Variants in PRPF6 observed in about 807,000 individuals in gnomAD.
The protein encoded by PRPF6 is pre-mRNA-processing factor 6.
Under a neutral mutation model 118.3 loss-of-function variants are expected in PRPF6, and 42 were observed. The observed-to-expected ratio is 0.35, with a 90% CI of 0.28 to 0.46. The LOEUF is 0.46. PRPF6 is among the 20% of genes least tolerant of loss of function. The pLI is 1.00. For missense variants in PRPF6, 662 were observed against 1,255.7 expected (o/e 0.53, Z 7.15); for synonymous variants, 481 against 485.1 (o/e 0.99, Z 0.11).
chr20:64,006,198 C>T (rs1005596466), intron 9 of PRPF6, among the ~76,000 whole-genome samples: 4 of 152,050 alleles, frequency 2.6e-5, no homozygotes, highest in African/African-American at 4.8e-5. Context: ...AACTCAGTCT[C>T]GCTTTGGGAG....
At chr20:64,020,881 G>C (rs920845703) in intron 12 of PRPF6, among the ~76,000 whole-genome samples, 13 of 151,768 alleles carry the variant, frequency 8.6e-5, no homozygotes, top group African/African-American at 3.1e-4. Context: ...CCGCCTCCTG[G>C]GTTCAAGCAA....
chr20:64,026,062 C>A lies in PRPF6; in HGVS notation c.2028+4C>A. The A allele has an allele frequency of 1.2e-6, 2 of 1,603,142 alleles. No individual in the cohort carries two copies. Among genetic ancestry groups the A allele is most frequent in the Non-Finnish European group, 8.5e-7 (1 of 1,179,616 alleles). On this transcript the variant is annotated splice_donor_region_variant and intron_variant, in intron 15 of 20. Coordinates refer to ENST00000266079, the MANE Select transcript of PRPF6 (RefSeq NM_012469.4). This position sits in a 1 kb window ranked among gnomAD's most constrained non-coding sequence, Gnocchi z 4.4. ...GAGCAGTGCCCCCACCGCCCGGGTA[C>A]GCAGTGGCAGGCAGGGCTGGGCCGT... is the stretch of plus-strand genomic sequence containing the variant.
chr20:63,998,711 G>A (rs1189510609), intron 6 of PRPF6, among the ~76,000 whole-genome samples: 1 of 150,496 alleles, frequency 6.6e-6, no homozygotes, highest in Non-Finnish European at 1.5e-5. Flanking sequence ...GTGTGGTGGC[G>A]GGCGCCTGTA....
At chr20:64,023,451 C>T (rs2059274984) in intron 13 of PRPF6, among the ~76,000 whole-genome samples, 1 of 152,198 alleles carries the variant, frequency 6.6e-6, no homozygotes, top group Admixed American at 6.5e-5. Flanking sequence ...GCTCGTGTCC[C>T]CACGCACCCT....
rs1186351342 is a variant in PRPF6, at chr20:64,033,026, C to T, written c.*33C>T. 3.1e-6 allele frequency: 5 copies of T among 1,612,322 alleles called. No individual in the cohort carries two copies. The highest frequency in any genetic ancestry group is 4.2e-6 in the Non-Finnish European group (5 of 1,179,856). On this transcript the variant is annotated 3_prime_UTR_variant, in exon 21 of 21. Coordinates refer to ENST00000266079, the MANE Select transcript of PRPF6 (RefSeq NM_012469.4). The stretch of plus-strand genomic sequence containing the variant: ...GTTGCCATGGCCGGTCTCCGTGGGG[C>T]AGGGTTGGGCCGCATGTGGAAGGGC...
At position 63,987,436 on chromosome 20, in the gene PRPF6, C is replaced by G. The variant is rs191332786; in HGVS notation, c.359+2411C>G. ...GTTACAGTGAGCTGAGATTGTGCCACTGCACTCCAGCCTGGGCAACACAAT... is the reference window on the plus strand; with the variant it reads ...GTTACAGTGAGCTGAGATTGTGCCAGTGCACTCCAGCCTGGGCAACACAAT... On this transcript the variant is annotated intron_variant, in intron 3 of 20. Coordinates refer to ENST00000266079, the MANE Select transcript of PRPF6 (RefSeq NM_012469.4). Among the ~76,000 whole-genome samples, 5 of 151,932 alleles carry G rather than the reference C, an allele frequency of 3.3e-5. No homozygotes were observed. In the East Asian group the frequency reaches 9.7e-4, roughly 29 times the overall value.
chr20:64,028,436 T>A lies in PRPF6; in HGVS notation c.2340-42T>A. ...CCAGAAGCTACCAGAATATGTGCTG[T>A]TGGTAGACGGCTGTGGGACCTCCGG... On this transcript the variant is annotated intron_variant, in intron 17 of 20. Transcript: ENST00000266079. The surrounding 1 kb of genome is among the most constrained non-coding windows in gnomAD (Gnocchi z 6.5). The A allele has an allele frequency of 1.2e-6, 2 of 1,600,070 alleles. No individual in the cohort carries two copies. The highest frequency in any genetic ancestry group is 1.7e-6 in the Non-Finnish European group (2 of 1,167,836).
chr20:64,023,418 T>C (rs2059274849), intron 13 of PRPF6, among the ~76,000 whole-genome samples: 1 of 152,240 alleles, frequency 6.6e-6, no homozygotes, highest in Non-Finnish European at 1.5e-5. Context: ...TTGTTTTAAA[T>C]GGATAGCTCT....
intron 3 of PRPF6, among the ~76,000 whole-genome samples, chr20:63,991,927 A>G (rs2059120479): frequency 6.6e-6 from 1 of 152,178 alleles, no homozygotes; most frequent in South Asian, 2.1e-4. Context: ...TACATGGGTT[A>G]TGTTCTGGCA....
At position 63,994,907 on chromosome 20, in the gene PRPF6, TA is replaced by T. The variant is rs1260744824; in HGVS notation, c.439-8del. ...AGAATTAATGTTTTTGGGGGCTGGA[TA>T]TTTCCAGAGGAAGTTGGCAGAAGTC... On this transcript the variant is annotated splice_polypyrimidine_tract_variant and splice_region_variant and intron_variant, in intron 4 of 20. Transcript: ENST00000266079. 1.9e-6 allele frequency: 3 copies of T among 1,614,190 alleles called. No homozygotes were observed. Among genetic ancestry groups the T allele is most frequent in the African/African-American group, 2.7e-5 (2 of 75,044 alleles).
chr20:64,021,406 CTG>C (rs531169374), intron 12 of PRPF6, among the ~76,000 whole-genome samples: 83 of 143,522 alleles, frequency 5.8e-4, no homozygotes, highest in South Asian at 2.7e-3. Context: ...AGCCCTGTGT[CTG>C]TGTGTGCGTG....
Position 64,002,845 on chromosome 20 carries a change from T to C in PRPF6, c.1186+1606T>C, listed in dbSNP as rs7346195. Among the ~76,000 whole-genome samples, 886 of 151,798 alleles carry C rather than the reference T, an allele frequency of 5.8e-3. 13 individuals are homozygous for C. Among genetic ancestry groups the C allele is most frequent in the African/African-American group, 0.02 (839 of 41,374 alleles). On this transcript the variant is annotated intron_variant, in intron 9 of 20. Transcript: ENST00000266079. The stretch of plus-strand genomic sequence containing the variant: ...TTTTAGTAGAGACGGGGTTTCACTG[T>C]GTTGACCAGGCTGGTCTTGAACTTC...
chr20:64,024,423 C>T (rs1009696379), intron 13 of PRPF6, 132 bp from the exon 14 acceptor site: 1 of 1,198,894 alleles, frequency 8.3e-7, no homozygotes, highest in Non-Finnish European at 1.2e-6. Flanking sequence ...ATTGTAAAAT[C>T]TGGTCAATCA....
At chr20:64,017,026 TC>T (rs1280046502) in intron 12 of PRPF6, among the ~76,000 whole-genome samples, 181 bp downstream of exon 12, 1 of 151,680 alleles carries the variant, frequency 6.6e-6, no homozygotes, top group Non-Finnish European at 1.5e-5. Flanking sequence ...CACTACAACC[TC>T]CACCTCCTGG....
At chr20:64,031,804 G>A in intron 19 of PRPF6, 114 bp from the exon 20 acceptor site, 5 of 1,437,290 alleles carry the variant, frequency 3.5e-6, no homozygotes, top group Non-Finnish European at 3.9e-6. Flanking sequence ...TTCTTGAGGG[G>A]AGCACCAGGG....
chr20:64,008,177 T>C (rs772618702), intron 9 of PRPF6, among the ~76,000 whole-genome samples: 2 of 152,234 alleles, frequency 1.3e-5, no homozygotes, highest in Non-Finnish European at 2.9e-5. Context: ...CATAACCACA[T>C]GCACACATGG....
rs752106404 is a variant in PRPF6 at position 64,027,567 on chromosome 20, C to T, written c.2206-36C>T. 1 of 1,613,998 alleles carries T rather than the reference C, an allele frequency of 6.2e-7. No individual in the cohort carries two copies. The highest frequency in any genetic ancestry group is 8.5e-7 in the Non-Finnish European group (1 of 1,179,988). On this transcript the variant is annotated intron_variant, in intron 16 of 20. Coordinates refer to ENST00000266079, the MANE Select transcript of PRPF6 (RefSeq NM_012469.4). The surrounding 1 kb of genome is among the most constrained non-coding windows in gnomAD (Gnocchi z 6.5). ...TGGCTGTGTCCCAGTTCTTCATAGACACCACCTGAGCTGCTCTCTTACTTG... is the reference window on the plus strand; with the variant it reads ...TGGCTGTGTCCCAGTTCTTCATAGATACCACCTGAGCTGCTCTCTTACTTG...
intron 9 of PRPF6, among the ~76,000 whole-genome samples, chr20:64,004,365 A>G (rs2059180704): frequency 6.6e-6 from 1 of 152,178 alleles, no homozygotes; most frequent in African/African-American, 2.4e-5. Flanking sequence ...CTTTCCCAAG[A>G]GTGTTTCCAA....
intron 12 of PRPF6, 129 bp downstream of exon 12, chr20:64,016,974 G>A: frequency 1.5e-6 from 2 of 1,315,176 alleles, no homozygotes; most frequent in South Asian, 2.5e-5. Context: ...ACGGGGTCTT[G>A]CTCTGTCGCC....
Sources: gnomAD v4.1 joint callset for allele counts (sites outside exome capture counted in the v4.1 genomes callset) on GRCh38, gnomAD v4.1.1 for gene constraint, Gnocchi (gnomAD v3.1) non-coding constraint, MANE v1.5 for transcripts, NCBI Gene and HGNC (gene_info 2026-07-23, HGNC 2026-07-21) for gene names.